SYNE2: variants seen among roughly 807,000 people sequenced by gnomAD.
The protein encoded by SYNE2 is spectrin repeat containing nuclear envelope protein 2.
Under a neutral mutation model 856.3 loss-of-function variants are expected in SYNE2, and 431 were observed. The ratio of observed to expected loss-of-function variants is 0.50; its 90% CI spans 0.47 to 0.55. The LOEUF (loss-of-function observed/expected upper bound fraction) is 0.55, where lower values mean the gene tolerates loss of function less well. Among genes scored for constraint, SYNE2 ranks in the 20% least tolerant of loss-of-function variants. The pLI is 0.00. For synonymous variants in SYNE2, 2,923 were observed against 2,872.3 expected (o/e 1.02, Z -0.56); for missense variants, 8,129 against 8,023.2 (o/e 1.01, Z -0.50).
At position 64,020,533 on chromosome 14, in the gene SYNE2, G is replaced by A. The variant is rs567132290; in HGVS notation, c.5151+440G>A. ...GTTAAATATATTTATTCCATATTTA[G>A]CGTCAATGATATTATATTTTTGTAG... On this transcript the variant is annotated intron_variant, in intron 35 of 115. Transcript: ENST00000555002. Among the ~76,000 whole-genome samples the A allele has an allele frequency of 2.0e-5, 3 of 152,180 alleles. No homozygotes were observed. In the East Asian group the frequency reaches 5.8e-4, roughly 29 times the overall value.
intron 87 of SYNE2, 152 bp from the exon 88 acceptor site, chr14:64,161,920 A>T (rs192312158): frequency 1.3e-6 from 1 of 789,378 alleles, no homozygotes; most frequent in Non-Finnish European, 2.1e-6. Context: ...AATGGTTTCT[A>T]TAATGGTGAT....
At position 64,119,061 on chromosome 14, in the gene SYNE2, G is replaced by C. The variant is rs527972039; in HGVS notation, c.12841-366G>C. 5.3e-5 allele frequency among the ~76,000 whole-genome samples: 8 copies of C among 152,306 alleles called. No homozygotes were observed. In the South Asian group the frequency reaches 1.7e-3, roughly 32 times the overall value. On this transcript the variant is annotated intron_variant, in intron 66 of 115. Transcript: ENST00000555002. The stretch of plus-strand genomic sequence containing the variant: ...CACACTCCTCTAAAGTAAGGTGCCT[G>C]TGTTTACACATCTACTAAGTGGTAG...
chr14:64,093,747 G>A (rs138331183), intron 61 of SYNE2, among the ~76,000 whole-genome samples: 1 of 152,092 alleles, frequency 6.6e-6, no homozygotes, highest in Admixed American at 6.5e-5. Flanking sequence ...TTGTAGCCTG[G>A]GCAGTCCTAA....
intron 45 of SYNE2, among the ~76,000 whole-genome samples, chr14:64,035,639 T>C (rs2097082143): frequency 6.6e-6 from 1 of 150,644 alleles, no homozygotes; most frequent in Admixed American, 6.7e-5. Context: ...TTATTTCAGG[T>C]GAGGGAATTG....
intron 96 of SYNE2, among the ~76,000 whole-genome samples, chr14:64,177,985 G>A (rs1306554350): frequency 9.2e-5 from 14 of 152,134 alleles, no homozygotes; most frequent in Non-Finnish European, 1.9e-4. Context: ...GGCCTTTGCT[G>A]GAGACAAGGC....
rs2098427050 is a variant in SYNE2 at position 64,175,019 on chromosome 14, A to T, written c.17311A>T (p.Thr5771Ser). 1.2e-6 allele frequency: 2 copies of T among 1,614,076 alleles called. No homozygotes were observed. Among genetic ancestry groups the T allele is most frequent in the Non-Finnish European group, 1.7e-6 (2 of 1,180,030 alleles). Reference protein sequence around the residue: ...TLEAGEKLLLTTDLKTKESVG... With the variant: ...TLEAGEKLLLSTDLKTKESVG... ...GGAAGCTGGAGAAAAGTTACTGCTC[A>T]CAACTGACCTGAAAACTAAAGAGTC... Residue 5771 changes from threonine (T) to serine (S), a missense_variant, in exon 95 of 116, where the codon ACA (threonine) becomes TCA (serine). Transcript: ENST00000555002.
intron 11 of SYNE2, among the ~76,000 whole-genome samples, chr14:63,970,779 A>ACTAC (rs2096464866): frequency 1.4e-5 from 2 of 147,292 alleles, no homozygotes; most frequent in South Asian, 4.3e-4. Flanking sequence ...CAGCCTACCG[A>ACTAC]GTAGCTGGGA....
At position 64,162,195 on chromosome 14, in the gene SYNE2, A is replaced by C. The variant is rs2098334968; in HGVS notation, c.16218A>C (p.Ala5406=). 6.2e-7 allele frequency: 1 copy of C among 1,614,154 alleles called. No homozygotes were observed. The highest frequency in any genetic ancestry group is 1.7e-5 in the Admixed American group (1 of 60,016). ...CCGCAAGGCTGAAGCAGCAGGAAGC[A>C]AAGTTTCAACAGCTCGCAAACATCA... ...EAAARLKQQE[A]KFQQLANISM... Residue 5406 remains alanine (A), a synonymous_variant, in exon 88 of 116, where the codon GCA becomes GCC. Coordinates refer to ENST00000555002, the MANE Select transcript of SYNE2 (RefSeq NM_182914.3).
chr14:64,078,446 C>T lies in SYNE2; in HGVS notation c.11023-20C>T, dbSNP rs778008470. 6.8e-5 allele frequency: 109 copies of T among 1,612,854 alleles called. No individual in the cohort carries two copies. Among genetic ancestry groups the T allele is most frequent in the Non-Finnish European group, 8.6e-5 (102 of 1,179,440 alleles). ...GCAGACAACCTCTCTAAGCCAAATG[C>T]GTCTTTGTCTCTTTCACAGATTAGC... On this transcript the variant is annotated intron_variant, in intron 54 of 115. Coordinates refer to ENST00000555002, the MANE Select transcript of SYNE2 (RefSeq NM_182914.3).
rs201734656 is a variant in SYNE2, at chr14:64,122,101, T to G, written c.13248T>G (p.His4416Gln). The change falls in exon 69 of 116, where the codon CAT becomes CAG. Residue 4416 changes from histidine (H) to glutamine (Q), a missense_variant. This residue lies in a region of SYNE2 where 5,410 missense variants were observed against 5,284.8 expected (regional missense o/e 1.02). Transcript: ENST00000555002. ...AAATGTGGCCCCAGTATTGCCAACA[T>G]GATAACGATACAACTCAGGAATCAT... ...AKKMWPQYCQ[H>Q]DNDTTQESSA... The G allele has an allele frequency of 1.2e-6, 2 of 1,614,028 alleles. No homozygotes were observed. The highest frequency in any genetic ancestry group is 1.7e-6 in the Non-Finnish European group (2 of 1,180,034).
intron 68 of SYNE2, among the ~76,000 whole-genome samples, chr14:64,121,756 G>T (rs2097900728): frequency 6.6e-6 from 1 of 152,170 alleles, no homozygotes; most frequent in Non-Finnish European, 1.5e-5. Context: ...ACTCTGCTTT[G>T]CCTGTCTTTT....
At chr14:64,078,668 A>G in intron 55 of SYNE2, 62 bp downstream of exon 55, 6 of 1,588,026 alleles carry the variant, frequency 3.8e-6, no homozygotes, top group Non-Finnish European at 5.2e-6. Flanking sequence ...TGCCTTGTTC[A>G]TCAGTCACCA....
At chr14:63,832,233 G>A in intron 1 of SYNE2, among the ~76,000 whole-genome samples, 1 of 151,874 alleles carries the variant, frequency 6.6e-6, no homozygotes. Context: ...TGAGTGTGGT[G>A]GCCCACACTT....
At chr14:64,007,370 G>T in intron 31 of SYNE2, 148 bp downstream of exon 31, 1 of 781,070 alleles carries the variant, frequency 1.3e-6, no homozygotes, top group Admixed American at 2.1e-5. Flanking sequence ...CAGGGCCAGT[G>T]TCTGGGACAA....
At chr14:63,808,753 T>A (rs1888488060) in intron 1 of SYNE2, 1 of 152,404 alleles carries the variant, frequency 6.6e-6, no homozygotes, top group Non-Finnish European at 1.5e-5. Flanking sequence ...CTGGGCGTGG[T>A]GGCTCACGCC....
chr14:64,146,197 G>A lies in SYNE2; in HGVS notation c.15613G>A (p.Val5205Met). ...ACAAAAACCTGAAAGTGTGATCTCA[G>A]TGCAGAAGCTGCTCCTGGACTGTCA... ...TLQKPESVISVQKLLLDCQDI... is the reference protein window; with the variant it reads ...TLQKPESVISMQKLLLDCQDI... Residue 5205 changes from valine (V) to methionine (M), a missense_variant, in exon 84 of 116, where the codon GTG becomes ATG. Physicochemically the swap from Val to Met is conservative, Grantham distance 21. Around this residue, in one of 3 missense-constraint regions of SYNE2, gnomAD observed 5,410 missense variants for 5,284.8 expected, o/e 1.02. Coordinates refer to ENST00000555002, the MANE Select transcript of SYNE2 (RefSeq NM_182914.3). The A allele has an allele frequency of 6.2e-7, 1 of 1,612,574 alleles. No individual in the cohort carries two copies. Among genetic ancestry groups the A allele is most frequent in the Non-Finnish European group, 8.5e-7 (1 of 1,179,482 alleles).
chr14:63,785,379 A>G (rs1887481210), intron 1 of SYNE2, among the ~76,000 whole-genome samples: 1 of 151,978 alleles, frequency 6.6e-6, no homozygotes. Flanking sequence ...GATTGCTGGA[A>G]CCTGGGAAGT....
At chr14:63,895,748 CAG>C (rs1430153998) in intron 1 of SYNE2, among the ~76,000 whole-genome samples, 1 of 117,474 alleles carries the variant, frequency 8.5e-6, no homozygotes, top group African/African-American at 3.5e-5. Context: ...GCCTGGGTGA[CAG>C]AGTGAGACCC....
rs60045886 is a variant in SYNE2, at chr14:64,098,517, C to T, written c.12307-230C>T. On this transcript the variant is annotated intron_variant, in intron 62 of 115. Coordinates refer to ENST00000555002, the MANE Select transcript of SYNE2 (RefSeq NM_182914.3). ...ACATCAATGAATCACATTCTTTAATCGTTTATGAAGGGGCACAGGGGGCCA... is the reference window on the plus strand; with the variant it reads ...ACATCAATGAATCACATTCTTTAATTGTTTATGAAGGGGCACAGGGGGCCA... 73,884 of 602,614 alleles carry T rather than the reference C, an allele frequency of 0.12. 6,478 individuals carry two copies. The highest frequency in any genetic ancestry group is 0.35 in the African/African-American group (18,947 of 53,878). 37.3% of individuals were successfully genotyped at this position (602,614 alleles called of 1,614,324 possible).
Sources: gnomAD v4.1 joint callset for allele counts (sites outside exome capture counted in the v4.1 genomes callset) on GRCh38, gnomAD v4.1.1 for gene constraint, gnomAD v4.1.1 regional missense constraint, MANE v1.5 for transcripts, NCBI Gene and HGNC (gene_info 2026-07-23, HGNC 2026-07-21) for gene names.